Variants in KIF27 observed in about 807,000 individuals in gnomAD.
KIF27 encodes the protein kinesin family member 27.
In KIF27, 84 loss-of-function variants were observed where a neutral mutation model predicts 141.8. The observed-to-expected ratio is 0.59, with a 90% CI of 0.50 to 0.71. The LOEUF (loss-of-function observed/expected upper bound fraction) is 0.71. Ranked by LOEUF, KIF27 falls within the 30% of genes least tolerant of loss-of-function variation. KIF27 has a pLI of 0.00. For synonymous variants in KIF27, 471 were observed against 569.5 expected (o/e 0.83, Z 2.46); for missense variants, 1,306 against 1,628.4 (o/e 0.80, Z 3.41).
In KIF27 at chr9:83,867,737, C is replaced by A. The variant is rs1317519116; in HGVS notation, c.2881G>T (p.Ala961Ser). The A allele has an allele frequency of 6.2e-7, 1 of 1,611,816 alleles. No individual in the cohort carries two copies. The highest frequency in any genetic ancestry group is 1.1e-5 in the South Asian group (1 of 90,490). ...KREAIVSKKE[A>S]LLQEKSHLEN... ...AGGTGACTCTTCTCCTGTAACAGAG[C>A]CTCCTTCTTAGAAACTATGGCCTCC... The change falls in exon 13 of 18, where the codon GCT becomes TCT. Residue 961 changes from alanine (A) to serine (S), a missense_variant. Ala to Ser is a moderately conservative substitution (Grantham distance 99, BLOSUM62 1). Coordinates refer to ENST00000297814, the MANE Select transcript of KIF27 (RefSeq NM_017576.4).
At chr9:83,843,464 A>G (rs1309315710) in intron 16 of KIF27, among the ~76,000 whole-genome samples, 1 of 152,022 alleles carries the variant, frequency 6.6e-6, no homozygotes, top group Non-Finnish European at 1.5e-5. Context: ...CATATTTATA[A>G]AATGATCCTA....
chr9:83,873,706 TTAAA>T (rs1950978512), intron 11 of KIF27, among the ~76,000 whole-genome samples: 1 of 152,160 alleles, frequency 6.6e-6, no homozygotes, highest in African/African-American at 2.4e-5. Context: ...TAAAGCTACC[TTAAA>T]TAAAGAGACC....
chr9:83,874,486 C>T (rs1191444125), intron 11 of KIF27, among the ~76,000 whole-genome samples: 1 of 152,144 alleles, frequency 6.6e-6, no homozygotes, highest in Non-Finnish European at 1.5e-5. Flanking sequence ...CAAATTTTAT[C>T]CTTTAGGACT....
At chr9:83,840,659 C>G (rs1199596754) in intron 17 of KIF27, among the ~76,000 whole-genome samples, 3 of 152,024 alleles carry the variant, frequency 2.0e-5, no homozygotes, top group African/African-American at 7.2e-5. Flanking sequence ...TATTTTGTTT[C>G]TTACTTGATA....
Position 83,884,020 on chromosome 9 carries a change from T to G in KIF27, c.2240-2A>C, listed in dbSNP as rs969714438. The stretch of plus-strand genomic sequence containing the variant: ...TGCTTACAGACTTGGCATCATTACC[T>G]TAACCGTAATAATAATTATTATTAG... On this transcript the variant is annotated splice_acceptor_variant, in intron 9 of 17. Transcript: ENST00000297814. LOFTEE classifies it high-confidence loss of function. 6 of 1,552,144 alleles carry G rather than the reference T, an allele frequency of 3.9e-6. No homozygotes were observed. The highest frequency in any genetic ancestry group is 5.3e-6 in the Non-Finnish European group (6 of 1,138,940).
rs755843351 is a variant in KIF27, at chr9:83,903,549, CGAG to C, written c.966_968del (p.Ser323del). On this transcript the variant is annotated inframe_deletion, in exon 4 of 18. Transcript: ENST00000297814. ...GAGAATTTAAGGACTCATCAAAATT[CGAG>C]GAGGAGGGGCTGACACATGTGATCA... 4 of 1,614,118 alleles carry C rather than the reference CGAG, an allele frequency of 2.5e-6. No individual in the cohort carries two copies. The highest frequency in any genetic ancestry group is 2.2e-5 in the East Asian group (1 of 44,884).
At position 83,896,051 on chromosome 9, in the gene KIF27, CAAA is replaced by C. The variant is rs35504224; in HGVS notation, c.1602+3607_1602+3609del. On this transcript the variant is annotated intron_variant, in intron 5 of 17. Coordinates refer to ENST00000297814, the MANE Select transcript of KIF27 (RefSeq NM_017576.4). Reference sequence around the variant, plus strand: ...TGGATGACAGAGTGAGACTCTGTCTCAAAAAAAAAAAAAAAAAAAAAAAACAAA... The same window carrying C: ...TGGATGACAGAGTGAGACTCTGTCTCAAAAAAAAAAAAAAAAAAAAACAAA... Among the ~76,000 whole-genome samples, 277 of 54,512 alleles carry C rather than the reference CAAA, an allele frequency of 5.1e-3. 1 individual carries two copies. The highest frequency in any genetic ancestry group is 0.017 in the African/African-American group (267 of 16,058). 35.8% of individuals were successfully genotyped at this position (54,512 alleles called of 152,430 possible). A position where few individuals can be genotyped will look rare whatever the true frequency, so the allele number is the denominator to read the frequency against.
At chr9:83,901,931 A>G (rs1023748747) in intron 4 of KIF27, among the ~76,000 whole-genome samples, 1 of 152,230 alleles carries the variant, frequency 6.6e-6, no homozygotes, top group African/African-American at 2.4e-5. Context: ...ATTAACATGG[A>G]ATTGGGTTAC....
intron 11 of KIF27, among the ~76,000 whole-genome samples, chr9:83,876,963 A>AG (rs762586586): frequency 3.9e-5 from 6 of 152,178 alleles, no homozygotes; most frequent in South Asian, 2.1e-4. Context: ...CTGTAGTCCC[A>AG]CTGCTTAGGA....
chr9:83,864,824 G>T (rs1192255778), intron 13 of KIF27, among the ~76,000 whole-genome samples: 2 of 152,118 alleles, frequency 1.3e-5, no homozygotes, highest in Non-Finnish European at 2.9e-5. Flanking sequence ...CTCTTTGTAG[G>T]TCTCTAAGGA....
intron 5 of KIF27, among the ~76,000 whole-genome samples, chr9:83,895,747 T>G (rs193122302): frequency 8.9e-4 from 135 of 152,060 alleles, no homozygotes; most frequent in African/African-American, 3.0e-3. Context: ...AATTTACAGA[T>G]AAAATATTAG....
chr9:83,919,906 A>G (rs562174895), intron 1 of KIF27, among the ~76,000 whole-genome samples: 1 of 151,578 alleles, frequency 6.6e-6, no homozygotes, highest in Non-Finnish European at 1.5e-5. Context: ...TTGGTTATAA[A>G]GGCAACTGAA....
rs1219952338 is a variant in KIF27, at chr9:83,834,792, T to C, written c.*2209A>G. Among the ~76,000 whole-genome samples, 5 of 150,524 alleles carry C rather than the reference T, an allele frequency of 3.3e-5. No homozygotes were observed. The highest frequency in any genetic ancestry group is 2.7e-4 in the Admixed American group (4 of 14,996). On this transcript the variant is annotated 3_prime_UTR_variant, in exon 18 of 18. Transcript: ENST00000297814. ...GCCATTATATATATCTATATCTATG[T>C]ATATATACAAGTGTATCTATATATA...
chr9:83,854,589 A>G (rs907207971), intron 14 of KIF27, among the ~76,000 whole-genome samples: 3 of 152,180 alleles, frequency 2.0e-5, no homozygotes, highest in Non-Finnish European at 4.4e-5. Context: ...TTTTGGACAC[A>G]GGGTCTCGCT....
chr9:83,900,936 A>T (rs1199543368), intron 4 of KIF27, among the ~76,000 whole-genome samples: 5 of 151,916 alleles, frequency 3.3e-5, no homozygotes, highest in Non-Finnish European at 5.9e-5. Flanking sequence ...GTATTACCTT[A>T]CCTGTTTTTA....
chr9:83,886,293 C>T (rs1952097021), intron 9 of KIF27, among the ~76,000 whole-genome samples: 1 of 152,090 alleles, frequency 6.6e-6, no homozygotes, highest in East Asian at 1.9e-4. Context: ...TGTTTGTAGC[C>T]TGGTATACCC....
rs1954801902 is a variant in KIF27 at position 83,908,491 on chromosome 9, T to TC, written c.459dup (p.Lys154GlufsTer9). On this transcript the variant is annotated frameshift_variant, in exon 3 of 18. Coordinates refer to ENST00000297814, the MANE Select transcript of KIF27 (RefSeq NM_017576.4). LOFTEE classifies it high-confidence loss of function. ...TCATCTTCTCGGATGTGAAGATCCT[T>TC]CATGGATGTCTCCAATTCTAGAAGA... 1 of 1,612,748 alleles carries TC rather than the reference T, an allele frequency of 6.2e-7. No homozygotes were observed. Among genetic ancestry groups the TC allele is most frequent in the African/African-American group, 1.3e-5 (1 of 74,886 alleles).
chr9:83,866,958 CAAAAAAAGAA>C (rs1950412746), intron 13 of KIF27, among the ~76,000 whole-genome samples: 4 of 140,418 alleles, frequency 2.8e-5, no homozygotes, highest in African/African-American at 1.1e-4. Flanking sequence ...ACCCCCCCCC[CAAAAAAAGAA>C]ACCCCACACC....
chr9:83,913,462 A>T, intron 2 of KIF27, among the ~76,000 whole-genome samples: 1 of 151,746 alleles, frequency 6.6e-6, no homozygotes, highest in African/African-American at 2.4e-5. Flanking sequence ...TTTTTGAGAC[A>T]GAGTTTGGTC....
Sources: gnomAD v4.1 joint callset for allele counts (sites outside exome capture counted in the v4.1 genomes callset) on GRCh38, gnomAD v4.1.1 for gene constraint, MANE v1.5 for transcripts, NCBI Gene and HGNC (gene_info 2026-07-23, HGNC 2026-07-21) for gene names.